MON2: variants seen among roughly 807,000 people sequenced by gnomAD.
The protein encoded by MON2 is MON2 regulator of endosome-to-Golgi trafficking.
Under a neutral mutation model 208.6 loss-of-function variants are expected in MON2, and 84 were observed. The ratio of observed to expected loss-of-function variants is 0.40; its 90% CI spans 0.34 to 0.48. The LOEUF (loss-of-function observed/expected upper bound fraction) is 0.48. MON2 is among the 20% of genes least tolerant of loss of function. MON2 has a pLI of 0.59. For missense variants in MON2, 1,611 were observed against 2,015.4 expected (o/e 0.80, Z 3.84); for synonymous variants, 660 against 694.0 (o/e 0.95, Z 0.77).
intron 2 of MON2, among the ~76,000 whole-genome samples, chr12:62,492,427 G>A (rs1263539876): frequency 2.8e-5 from 4 of 141,992 alleles, no homozygotes; most frequent in African/African-American, 7.9e-5. Flanking sequence ...TGCGGACTGC[G>A]GTGGCGCAAT....
chr12:62,539,993 T>C (rs113101700), intron 19 of MON2, among the ~76,000 whole-genome samples: 1 of 152,128 alleles, frequency 6.6e-6, no homozygotes, highest in African/African-American at 2.4e-5. Context: ...ATATATATTA[T>C]AGTTTGTTCT....
At position 62,532,490 on chromosome 12, in the gene MON2, A is replaced by G. The variant is rs755086502; in HGVS notation, c.1453A>G (p.Met485Val). 6.8e-6 allele frequency: 11 copies of G among 1,614,048 alleles called. No homozygotes were observed. In the South Asian group the frequency reaches 8.8e-5, roughly 13 times the overall value. The change falls in exon 12 of 35, where the codon ATG becomes GTG. Residue 485 changes from methionine (M) to valine (V), a missense_variant. Met to Val is a conservative substitution (Grantham distance 21). Transcript: ENST00000393630. ...EPPTIPEGYA[M>V]SVAFHCLLDL... ...TCCAACTATACCTGAAGGTTACGCC[A>G]TGTCTGTGGCATTCCATTGTTTGCT... is the stretch of plus-strand genomic sequence containing the variant.
intron 24 of MON2, chr12:62,553,456 A>C (rs975117201): frequency 3.6e-6 from 1 of 278,162 alleles, no homozygotes; most frequent in African/African-American, 2.2e-5. Flanking sequence ...AGTTTTCCCA[A>C]ATGGTAAAAA....
At chr12:62,494,944 A>C (rs2070388370) in intron 3 of MON2, 72 bp from the exon 4 acceptor site, 7 of 1,140,948 alleles carry the variant, frequency 6.1e-6, no homozygotes, top group Non-Finnish European at 8.5e-6. Context: ...AGGTTTGTAT[A>C]CCTTCTCTTA....
rs540121384 is a variant in MON2 at position 62,585,636 on chromosome 12, A to T, written c.4907+135A>T. The T allele has an allele frequency of 4.5e-6, 3 of 674,038 alleles. No individual in the cohort carries two copies. In the South Asian group the frequency reaches 8.3e-5, roughly 19 times the overall value. 41.8% of individuals were successfully genotyped at this position (674,038 alleles called of 1,614,324 possible). A position where few individuals can be genotyped will look rare whatever the true frequency, so the allele number is the denominator to read the frequency against. The stretch of plus-strand genomic sequence containing the variant: ...AGTTGTTTATAATCTTATTTATCCC[A>T]TATGGTGTAAATATTCACAGGTTTT... On this transcript the variant is annotated intron_variant, in intron 33 of 34. Transcript: ENST00000393630.
At chr12:62,553,617 A>G (rs1044043823) in intron 24 of MON2, among the ~76,000 whole-genome samples, 2 of 152,248 alleles carry the variant, frequency 1.3e-5, no homozygotes, top group Non-Finnish European at 2.9e-5. Flanking sequence ...ATGAATATCA[A>G]TAGCAATGAA....
chr12:62,546,140 G>A (rs2136279232), intron 21 of MON2, among the ~76,000 whole-genome samples: 1 of 152,036 alleles, frequency 6.6e-6, no homozygotes, highest in South Asian at 2.1e-4. Flanking sequence ...TTTTTTATAA[G>A]TATTATAGCT....
chr12:62,493,871 T>C (rs907031378), intron 2 of MON2, 44 bp from the exon 3 acceptor site: 7 of 1,335,732 alleles, frequency 5.2e-6, no homozygotes, highest in Non-Finnish European at 6.0e-6. Flanking sequence ...TTCTTAATTA[T>C]AGATTAATTT....
intron 19 of MON2, among the ~76,000 whole-genome samples, chr12:62,538,748 A>G (rs778153898): frequency 6.6e-6 from 1 of 152,218 alleles, no homozygotes; most frequent in Non-Finnish European, 1.5e-5. Flanking sequence ...TATACTGAAC[A>G]TTTTAAAAAT....
intron 8 of MON2, among the ~76,000 whole-genome samples, chr12:62,511,970 A>C (rs1350160313): frequency 6.7e-6 from 1 of 149,502 alleles, no homozygotes; most frequent in Non-Finnish European, 1.5e-5. Context: ...GGCAGACAAG[A>C]GAAGAGCGCT....
intron 8 of MON2, among the ~76,000 whole-genome samples, chr12:62,522,388 C>T (rs1052573228): frequency 3.3e-5 from 5 of 152,190 alleles, no homozygotes; most frequent in African/African-American, 1.2e-4. Flanking sequence ...CAAATAGACT[C>T]CTACATGAAT....
intron 8 of MON2, among the ~76,000 whole-genome samples, chr12:62,514,640 G>A (rs1195250337): frequency 1.3e-5 from 2 of 152,230 alleles, no homozygotes; most frequent in Admixed American, 6.5e-5. Flanking sequence ...CCCAGAACAC[G>A]TGGGAATTAA....
At chr12:62,511,446 A>C (rs1378254070) in intron 8 of MON2, among the ~76,000 whole-genome samples, 1 of 152,210 alleles carries the variant, frequency 6.6e-6, no homozygotes, top group Non-Finnish European at 1.5e-5. Context: ...TGGAGAGCCC[A>C]AAAATAAACT....
intron 21 of MON2, 65 bp downstream of exon 21, chr12:62,545,073 T>G: frequency 9.5e-7 from 1 of 1,052,472 alleles, no homozygotes; most frequent in Non-Finnish European, 1.4e-6. Flanking sequence ...CATATGTGAT[T>G]TTTTTCTTAT....
At chr12:62,541,023 T>C (rs778797694) in intron 19 of MON2, among the ~76,000 whole-genome samples, 1 of 152,222 alleles carries the variant, frequency 6.6e-6, no homozygotes, top group Non-Finnish European at 1.5e-5. Context: ...TTTACAGTGA[T>C]CAGCATCTCG....
At chr12:62,566,565 T>G (rs562262028) in intron 29 of MON2, 115 bp downstream of exon 29, 16 of 1,063,226 alleles carry the variant, frequency 1.5e-5, no homozygotes, top group Non-Finnish European at 1.8e-5. Flanking sequence ...ATTTGTAGTA[T>G]TATTTGTAAT....
At position 62,537,238 on chromosome 12, in the gene MON2, C is replaced by T. The variant is rs2073020758; in HGVS notation, c.1988C>T (p.Ala663Val). The change falls in exon 15 of 35, where the codon GCA (alanine) becomes GTA (valine). Residue 663 changes from alanine (A) to valine (V), a missense_variant. Ala to Val is a moderately conservative substitution (Grantham distance 64). Transcript: ENST00000393630. ...GTTGTGGCAGTGGGTCAACCTTTAG[C>T]AGTCCAGCCTCAAGGGACAGTAATG... Reference protein sequence around the residue: ...QQVVAVGQPLAVQPQGTVMLT... With the variant: ...QQVVAVGQPLVVQPQGTVMLT... The T allele has an allele frequency of 1.2e-6, 2 of 1,610,724 alleles. No individual in the cohort carries two copies. The highest frequency in any genetic ancestry group is 4.5e-5 in the East Asian group (2 of 44,806).
At chr12:62,504,994 G>C (rs1216368046) in intron 7 of MON2, among the ~76,000 whole-genome samples, 1 of 152,196 alleles carries the variant, frequency 6.6e-6, no homozygotes, top group Non-Finnish European at 1.5e-5. Flanking sequence ...AACAGGAAAA[G>C]AATACTCCAC....
intron 2 of MON2, among the ~76,000 whole-genome samples, chr12:62,488,288 A>C (rs1010529515): frequency 6.6e-6 from 1 of 152,176 alleles, no homozygotes; most frequent in Non-Finnish European, 1.5e-5. Context: ...GAAGGCACCT[A>C]ACCCAGCCTG....
Sources: gnomAD v4.1 joint callset for allele counts (sites outside exome capture counted in the v4.1 genomes callset) on GRCh38, gnomAD v4.1.1 for gene constraint, MANE v1.5 for transcripts, NCBI Gene and HGNC (gene_info 2026-07-23, HGNC 2026-07-21) for gene names.